The following TTC3 variants were observed in gnomAD, a reference collection of about 807,000 sequenced individuals.
The protein encoded by TTC3 is tetratricopeptide repeat domain 3, also known as E3 ubiquitin-protein ligase TTC3.
Under a neutral mutation model 249.6 loss-of-function variants are expected in TTC3, and 180 were observed. The ratio of observed to expected loss-of-function variants is 0.72; its 90% CI spans 0.64 to 0.82. The LOEUF (loss-of-function observed/expected upper bound fraction) is 0.82. Ranked by LOEUF, TTC3 falls within the 40% of genes least tolerant of loss-of-function variation. The pLI is 0.00. For synonymous variants in TTC3, 717 were observed against 805.0 expected (o/e 0.89, Z 1.85); for missense variants, 2,061 against 2,398.4 (o/e 0.86, Z 2.94).
intron 41 of TTC3, among the ~76,000 whole-genome samples, chr21:37,194,132 C>T (rs533971409): frequency 6.6e-6 from 1 of 152,320 alleles, no homozygotes; most frequent in East Asian, 1.9e-4. Flanking sequence ...AGCTTAGACA[C>T]TTCTAGCTTC....
At chr21:37,075,434 G>T (rs150003988) in intron 1 of TTC3, among the ~76,000 whole-genome samples, 61 of 152,314 alleles carry the variant, frequency 4.0e-4, no homozygotes, top group African/African-American at 1.3e-3. Context: ...CTAAGTAGTA[G>T]ATTTGCCGGA....
At chr21:37,159,303 G>A (rs1216132151) in intron 28 of TTC3, among the ~76,000 whole-genome samples, 1 of 5,284 alleles carries the variant, frequency 1.9e-4, no homozygotes, top group African/African-American at 9.5e-4. Flanking sequence ...TCAGACTTGA[G>A]TCCTTCGTGA....
At chr21:37,173,558 C>G (rs1031251632) in intron 35 of TTC3, among the ~76,000 whole-genome samples, 20 of 152,186 alleles carry the variant, frequency 1.3e-4, no homozygotes, top group African/African-American at 4.8e-4. Flanking sequence ...TAAAAGCTAC[C>G]ATCATCTGTT....
intron 10 of TTC3, 193 bp downstream of exon 10, chr21:37,096,836 T>C (rs531922797): frequency 1.8e-5 from 9 of 494,042 alleles, no homozygotes; most frequent in Non-Finnish European, 2.5e-5. Context: ...TCTGATTGAG[T>C]GCAGACATAT....
chr21:37,132,740 T>C (rs773392201), exon 17 of TTC3: 1 of 1,608,598 alleles, frequency 6.2e-7, no homozygotes, highest in Admixed American at 1.7e-5. Context: ...GAAACAGTTT[T>C]CTAAATCTTC....
intron 10 of TTC3, among the ~76,000 whole-genome samples, chr21:37,104,681 A>T (rs2074902351): frequency 6.6e-6 from 1 of 152,156 alleles, no homozygotes; most frequent in Non-Finnish European, 1.5e-5. Context: ...CTGGAACTCA[A>T]AGGAGGGTTT....
intron 44 of TTC3, among the ~76,000 whole-genome samples, chr21:37,198,669 A>C (rs997294882): frequency 7.2e-5 from 11 of 152,262 alleles, no homozygotes; most frequent in Non-Finnish European, 1.6e-4. Flanking sequence ...ACAAAGTATT[A>C]CATACAATAG....
chr21:37,125,306 A>G (rs1397948547), intron 14 of TTC3, among the ~76,000 whole-genome samples: 1 of 152,188 alleles, frequency 6.6e-6, no homozygotes, highest in African/African-American at 2.4e-5. Flanking sequence ...TTCTGTCCAA[A>G]TCGTACTTCT....
At chr21:37,166,695 G>A in intron 33 of TTC3, 80 bp downstream of exon 33, 1 of 1,469,204 alleles carries the variant, frequency 6.8e-7, no homozygotes. Flanking sequence ...ATATTTGCAA[G>A]AATCCTTAAA....
rs777166200 is a variant in TTC3 at position 37,108,365 on chromosome 21, T to A, written c.846-27T>A. On this transcript the variant is annotated intron_variant, in intron 10 of 45. Coordinates refer to ENST00000355666, the Ensembl canonical transcript of TTC3. ...TACTTTTACTATAAAAGAGTGAAAA[T>A]TTTTAAATACTTGTTTTTCCTTTTA... 1.0e-5 allele frequency: 16 copies of A among 1,596,496 alleles called. No homozygotes were observed. In the Admixed American group the frequency reaches 2.7e-4, roughly 27 times the overall value.
At chr21:37,162,866 T>C (rs2080894800) in intron 31 of TTC3, among the ~76,000 whole-genome samples, 1 of 152,168 alleles carries the variant, frequency 6.6e-6, no homozygotes, top group Non-Finnish European at 1.5e-5. Flanking sequence ...GAGGGCCTGC[T>C]TTCTGGTTCA....
intron 41 of TTC3, among the ~76,000 whole-genome samples, chr21:37,193,210 T>A (rs1439035357): frequency 8.1e-6 from 1 of 124,116 alleles, no homozygotes; most frequent in East Asian, 2.4e-4. Context: ...CCGCTCTGCA[T>A]CCTGCCTTCC....
intron 17 of TTC3, 86 bp from the exon 18 acceptor site, chr21:37,135,293 TA>T: frequency 7.2e-7 from 1 of 1,386,332 alleles, no homozygotes; most frequent in Non-Finnish European, 9.7e-7. Flanking sequence ...TCATTAGTTA[TA>T]AAATATTACT....
chr21:37,095,137 ATGTGTG>A (rs57682889), intron 8 of TTC3, among the ~76,000 whole-genome samples: 5 of 147,490 alleles, frequency 3.4e-5, no homozygotes, highest in Non-Finnish European at 7.5e-5. Context: ...CTCTAAAAAT[ATGTGTG>A]TGTGTGTGTG....
intron 11 of TTC3, among the ~76,000 whole-genome samples, chr21:37,110,133 CTCTAAAAA>C (rs1398443984): frequency 2.6e-5 from 4 of 152,216 alleles, no homozygotes; most frequent in Non-Finnish European, 4.4e-5. Context: ...AAACCTGAAA[CTCTAAAAA>C]TCAGAGTGCC....
At chr21:37,187,666 T>C (rs1365330074) in intron 38 of TTC3, 1 of 152,402 alleles carries the variant, frequency 6.6e-6, no homozygotes, top group Non-Finnish European at 1.5e-5. Flanking sequence ...TGATTCTCTA[T>C]GTTTCTGTAG....
At position 37,182,906 on chromosome 21, in the gene TTC3, AG is replaced by A; in HGVS notation, c.4751del (p.Ser1584MetfsTer34). The A allele has an allele frequency of 6.4e-7, 1 of 1,567,762 alleles. No homozygotes were observed. The highest frequency in any genetic ancestry group is 8.6e-7 in the Non-Finnish European group (1 of 1,164,354). ...GAAAATTAAAAAGGTTTCAAATGCC[AG>A]TGAAATGTAAGTAATGATTGAAAGG... On this transcript the variant is annotated frameshift_variant, in exon 36 of 46. Coordinates refer to ENST00000355666, the Ensembl canonical transcript of TTC3. LOFTEE classifies it high-confidence loss of function.
intron 16 of TTC3, among the ~76,000 whole-genome samples, chr21:37,129,678 T>C (rs931764772): frequency 6.6e-6 from 1 of 152,186 alleles, no homozygotes; most frequent in Non-Finnish European, 1.5e-5. Flanking sequence ...TCACTTAGGC[T>C]GCGGTGCAGT....
At chr21:37,182,152 A>G (rs771762590) in intron 35 of TTC3, among the ~76,000 whole-genome samples, 3 of 152,210 alleles carry the variant, frequency 2.0e-5, no homozygotes, top group Non-Finnish European at 4.4e-5. Context: ...CCTTGCTACA[A>G]TTAAATAGAT....
Sources: gnomAD v4.1 joint callset for allele counts (sites outside exome capture counted in the v4.1 genomes callset) on GRCh38, gnomAD v4.1.1 for gene constraint, MANE v1.5 for transcripts, NCBI Gene and HGNC (gene_info 2026-07-23, HGNC 2026-07-21) for gene names.